SLC39A11: variants seen among roughly 807,000 people sequenced by gnomAD.
SLC39A11 encodes zinc transporter ZIP11.
In SLC39A11, 33 loss-of-function variants were observed where a neutral mutation model predicts 36.1. The ratio of observed to expected loss-of-function variants is 0.91; its 90% CI spans 0.69 to 1.22. The LOEUF (loss-of-function observed/expected upper bound fraction) is 1.22. Among genes scored for constraint, SLC39A11 ranks in the 50% most tolerant of loss-of-function variants. The pLI, the probability that SLC39A11 is intolerant of heterozygous loss-of-function variation, is 0.00. For synonymous variants in SLC39A11, 166 were observed against 170.3 expected, an observed-to-expected ratio of 0.97 and a Z score of 0.20; for missense variants, 432 against 430.3, an observed-to-expected ratio of 1.00 and a Z score of -0.03.
chr17:72,848,123 A>G (rs2079134680), intron 6 of SLC39A11, among the ~76,000 whole-genome samples: 1 of 152,212 alleles, frequency 6.6e-6, no homozygotes, highest in Non-Finnish European at 1.5e-5. Flanking sequence ...AGCTGTATGT[A>G]TATTTAGCAT....
intron 3 of SLC39A11, among the ~76,000 whole-genome samples, chr17:73,053,850 G>A (rs1481676829): frequency 6.6e-6 from 1 of 152,220 alleles, no homozygotes; most frequent in Non-Finnish European, 1.5e-5. Flanking sequence ...AAAACGTGGG[G>A]AAATTTTCAA....
chr17:72,747,891 A>T (rs2075003957), intron 6 of SLC39A11, among the ~76,000 whole-genome samples: 1 of 152,194 alleles, frequency 6.6e-6, no homozygotes. Context: ...AAACTTACCA[A>T]CTTATTTTCT....
chr17:72,917,826 G>T (rs1042504359), intron 5 of SLC39A11, among the ~76,000 whole-genome samples: 1 of 152,240 alleles, frequency 6.6e-6, no homozygotes, highest in Non-Finnish European at 1.5e-5. Context: ...TTCTCCAGAA[G>T]ACATTCTTGA....
chr17:72,873,992 CTTCCACCA>C (rs2080774963), intron 5 of SLC39A11, among the ~76,000 whole-genome samples: 2 of 152,310 alleles, frequency 1.3e-5, no homozygotes, highest in South Asian at 4.1e-4. Context: ...GAAGAGGTGC[CTTCCACCA>C]TGACTGTAAG....
chr17:72,926,737 T>C (rs561085818), intron 5 of SLC39A11, among the ~76,000 whole-genome samples: 2 of 152,204 alleles, frequency 1.3e-5, no homozygotes, highest in East Asian at 3.9e-4. Flanking sequence ...ATACCAGCTT[T>C]ATTACGTTTT....
intron 5 of SLC39A11, among the ~76,000 whole-genome samples, chr17:72,902,917 G>T (rs4614795): frequency 0.65 from 98,645 of 151,894 alleles, 34,169 homozygotes; most frequent in African/African-American, 0.91. Context: ...TTTGTTTTTT[G>T]TTCTTCTTAG....
At chr17:72,739,839 C>A (rs2074597719) in intron 6 of SLC39A11, among the ~76,000 whole-genome samples, 1 of 152,102 alleles carries the variant, frequency 6.6e-6, no homozygotes, top group Admixed American at 6.5e-5. Context: ...ATTAGGGGCG[C>A]CAATCCCTTG....
chr17:72,851,672 C>A (rs908660123), intron 5 of SLC39A11, among the ~76,000 whole-genome samples: 24 of 152,126 alleles, frequency 1.6e-4, no homozygotes, highest in African/African-American at 5.8e-4. Flanking sequence ...GAGCTTCAAC[C>A]AATCACAGGC....
chr17:72,769,652 C>T (rs932211182), intron 6 of SLC39A11, among the ~76,000 whole-genome samples: 2 of 151,964 alleles, frequency 1.3e-5, no homozygotes, highest in African/African-American at 4.8e-5. Context: ...TCAAGTGATT[C>T]TCCTGTCTCA....
intron 5 of SLC39A11, among the ~76,000 whole-genome samples, chr17:72,900,070 G>GAAAAGAA (rs2082260465): frequency 6.9e-6 from 1 of 144,968 alleles, no homozygotes; most frequent in Non-Finnish European, 1.5e-5. Context: ...GAAAGAGAGA[G>GAAAAGAA]AGAGAAAGAG....
At chr17:72,760,212 G>C (rs1426951638) in intron 6 of SLC39A11, among the ~76,000 whole-genome samples, 2 of 152,150 alleles carry the variant, frequency 1.3e-5, no homozygotes, top group African/African-American at 2.4e-5. Context: ...TTTTTTACTA[G>C]AGAAGTGGTT....
At position 73,021,335 on chromosome 17, in the gene SLC39A11, T is replaced by C. The variant is rs116979849; in HGVS notation, c.306+10221A>G. ...AGATGCATACTCAGTTCCCTTACTCTTTCTTTCTTTCTTTTTTTTTTTAAG... is the reference window on the plus strand; with the variant it reads ...AGATGCATACTCAGTTCCCTTACTCCTTCTTTCTTTCTTTTTTTTTTTAAG... On this transcript the variant is annotated intron_variant, in intron 4 of 9. Transcript: ENST00000255559. Among the ~76,000 whole-genome samples the C allele has an allele frequency of 0.013, 1,967 of 151,874 alleles. 107 individuals carry two copies. The East Asian group carries it at 0.17, about 13-fold the overall frequency.
At chr17:72,969,889 G>A (rs1377029920) in intron 4 of SLC39A11, among the ~76,000 whole-genome samples, 3 of 152,166 alleles carry the variant, frequency 2.0e-5, no homozygotes, top group Admixed American at 1.3e-4. Flanking sequence ...TTCTGCCCAA[G>A]CCTGGCAGGC....
At chr17:72,803,203 A>G (rs2077152164) in intron 6 of SLC39A11, among the ~76,000 whole-genome samples, 1 of 152,192 alleles carries the variant, frequency 6.6e-6, no homozygotes, top group Non-Finnish European at 1.5e-5. Flanking sequence ...CTTGTTGTGA[A>G]TCTCCAGTGC....
intron 7 of SLC39A11, among the ~76,000 whole-genome samples, chr17:72,700,602 C>A (rs1207921811): frequency 6.6e-6 from 1 of 152,144 alleles, no homozygotes; most frequent in Non-Finnish European, 1.5e-5. Context: ...AAGGCAAGGG[C>A]AAGAAAGGGG....
rs895087704 is a variant in SLC39A11, at chr17:73,091,154, G to A, written c.-12+1457C>T. 1.1e-4 allele frequency among the ~76,000 whole-genome samples: 17 copies of A among 152,284 alleles called. 2 individuals carry two copies. The highest frequency in any genetic ancestry group is 5.9e-5 in the Non-Finnish European group (4 of 68,030). On this transcript the variant is annotated intron_variant, in intron 1 of 9. Transcript: ENST00000255559. Reference sequence around the variant, plus strand: ...TAAAACTGGTAAAACTTGGCCAGGCGCAGTGGCTCATGCCTGTAATCCCAG... The same window carrying A: ...TAAAACTGGTAAAACTTGGCCAGGCACAGTGGCTCATGCCTGTAATCCCAG...
intron 5 of SLC39A11, among the ~76,000 whole-genome samples, chr17:72,915,457 C>A (rs1385739932): frequency 6.6e-6 from 1 of 152,222 alleles, no homozygotes; most frequent in Non-Finnish European, 1.5e-5. Flanking sequence ...CTTCCTGGTG[C>A]TTTCCTGTGG....
At chr17:72,910,623 CAAAAAAA>C (rs759842114) in intron 5 of SLC39A11, among the ~76,000 whole-genome samples, 1 of 50,012 alleles carries the variant, frequency 2.0e-5, no homozygotes, top group East Asian at 5.3e-4. Context: ...GACTCCGTCT[CAAAAAAA>C]AAAAAAAAAA....
chr17:73,082,004 G>A (rs996088836), intron 3 of SLC39A11, among the ~76,000 whole-genome samples: 4 of 150,574 alleles, frequency 2.7e-5, no homozygotes, highest in African/African-American at 9.8e-5. Flanking sequence ...CTACATATTG[G>A]GGACAGTGTA....
Sources: allele counts gnomAD v4.1 joint callset (sites outside exome capture counted in the v4.1 genomes callset), GRCh38; gene constraint gnomAD v4.1.1; transcripts MANE v1.5; gene names NCBI Gene and HGNC (gene_info 2026-07-23, HGNC 2026-07-21).